The following CYFIP2 variants were observed in gnomAD, a reference collection of about 807,000 sequenced individuals.
CYFIP2 encodes the protein cytoplasmic FMR1-interacting protein 2.
CYFIP2 carries 29 observed loss-of-function variants against 158.7 expected under a neutral mutation model. The ratio of observed to expected loss-of-function variants is 0.18; its 90% confidence interval spans 0.14 to 0.25. The LOEUF is 0.25. Among genes scored for constraint, CYFIP2 ranks in the 10% least tolerant of loss-of-function variants. The probability of loss-of-function intolerance (pLI) is 1.00; values close to 1 mark genes in which losing one functional copy is unlikely to be tolerated. For missense variants in CYFIP2, 852 were observed against 1,639.5 expected (o/e 0.52, Z 8.29); for synonymous variants, 585 against 617.6 (o/e 0.95, Z 0.78).
At position 157,374,828 on chromosome 5, in the gene CYFIP2, G is replaced by T. The variant is rs1765313287; in HGVS notation, c.3040-7762G>T. On this transcript the variant is annotated intron_variant, in intron 26 of 30. Transcript: ENST00000620254. ...ATCTTTATTTCCTGTCTGTAAATTT[G>T]CTGATTGCACATTCCAGTCACTTGT... Among the ~76,000 whole-genome samples the T allele has an allele frequency of 2.0e-5, 3 of 152,288 alleles. No individual in the cohort carries two copies. In the South Asian group the frequency reaches 6.2e-4, roughly 32 times the overall value.
rs753263281 is a variant in CYFIP2, at chr5:157,296,685, G to A, written c.298G>A (p.Glu100Lys). The A allele has an allele frequency of 1.2e-6, 2 of 1,613,576 alleles. No individual in the cohort carries two copies. Among genetic ancestry groups the A allele is most frequent in the Non-Finnish European group, 1.7e-6 (2 of 1,179,632 alleles). ...SRAIPQVKCN[E>K]QPNRVEIYEK... is the part of the protein sequence containing the mutation. ...TTATCCCCCACAGGTGAAATGCAAC[G>A]AGCAGCCCAACCGAGTAGAGATCTA... The change falls in exon 5 of 31, where the codon GAG becomes AAG. Residue 100 changes from glutamate to lysine, a missense_variant. Physicochemically the swap from Glu to Lys is moderately conservative, Grantham distance 56 (BLOSUM62 1). This residue lies in a region of CYFIP2 where 123 missense variants were observed against 316.7 expected (regional missense o/e 0.39). Transcript: ENST00000620254.
rs747827790 is a variant in CYFIP2 at position 157,342,949 on chromosome 5, G to C, written c.2673+1792G>C. 6 of 1,614,056 alleles carry C rather than the reference G, an allele frequency of 3.7e-6. No homozygotes were observed. The African/African-American group carries it at 4.0e-5, about 11-fold the overall frequency. On this transcript the variant is annotated intron_variant, in intron 23 of 30. Coordinates refer to ENST00000620254, the MANE Select transcript of CYFIP2 (RefSeq NM_001037333.3). Reference sequence around the variant, plus strand: ...CATCAGGGGCATCCTGGTTGGCTTCGGGATCCAGTTCAGCTCCATCTCTGG... The same window carrying C: ...CATCAGGGGCATCCTGGTTGGCTTCCGGATCCAGTTCAGCTCCATCTCTGG...
chr5:157,386,838 C>T (rs377458264), intron 28 of CYFIP2, among the ~76,000 whole-genome samples: 2 of 151,318 alleles, frequency 1.3e-5, no homozygotes, highest in African/African-American at 4.9e-5. Context: ...GAGAATGGCT[C>T]GAACCCGGGA....
At position 157,393,042 on chromosome 5, in the gene CYFIP2, G is replaced by A. The variant is rs774951948; in HGVS notation, c.*42G>A. On this transcript the variant is annotated 3_prime_UTR_variant, in exon 31 of 31. Coordinates refer to ENST00000620254, the MANE Select transcript of CYFIP2 (RefSeq NM_001037333.3). Reference sequence around the variant, plus strand: ...ACCCTTATCTGGAGGAGGAAGAGAAGCAGGAGAGAGAAAGCCACAGCCAGC... The same window carrying A: ...ACCCTTATCTGGAGGAGGAAGAGAAACAGGAGAGAGAAAGCCACAGCCAGC... 1 of 1,602,270 alleles carries A rather than the reference G, an allele frequency of 6.2e-7. No homozygotes were observed. Among genetic ancestry groups the A allele is most frequent in the Non-Finnish European group, 8.5e-7 (1 of 1,173,890 alleles).
intron 30 of CYFIP2, 127 bp downstream of exon 30, chr5:157,390,795 T>G: frequency 6.9e-7 from 1 of 1,442,446 alleles, no homozygotes; most frequent in East Asian, 2.5e-5. Flanking sequence ...ACAAAGATAC[T>G]ATAGGCTGGG....
At chr5:157,300,317 A>C (rs761696368) in intron 5 of CYFIP2, among the ~76,000 whole-genome samples, 1 of 151,986 alleles carries the variant, frequency 6.6e-6, no homozygotes, top group Non-Finnish European at 1.5e-5. Flanking sequence ...CAGGTGGGTC[A>C]CAAGGTCACG....
At chr5:157,330,239 A>AGTGT (rs1761337897) in intron 19 of CYFIP2, among the ~76,000 whole-genome samples, 8 of 113,368 alleles carry the variant, frequency 7.1e-5, no homozygotes, top group Admixed American at 2.8e-4. Context: ...TGAGATTTAA[A>AGTGT]ATGTGTGTGT....
At chr5:157,379,519 A>T (rs2113492266) in intron 26 of CYFIP2, among the ~76,000 whole-genome samples, 1 of 152,124 alleles carries the variant, frequency 6.6e-6, no homozygotes, top group East Asian at 1.9e-4. Flanking sequence ...TCTCTACAAA[A>T]AAATTAGCCA....
At chr5:157,368,479 C>CT (rs1201179985) in intron 26 of CYFIP2, among the ~76,000 whole-genome samples, 2 of 152,176 alleles carry the variant, frequency 1.3e-5, no homozygotes, top group African/African-American at 4.8e-5. Context: ...TGTCCTGTCC[C>CT]TTTGCCCAGG....
At chr5:157,373,586 G>A (rs189081081) in intron 26 of CYFIP2, among the ~76,000 whole-genome samples, 8 of 152,266 alleles carry the variant, frequency 5.3e-5, no homozygotes, top group Non-Finnish European at 1.0e-4. Context: ...TGAGGAGTAG[G>A]ATGATCATTT....
At chr5:157,377,006 C>A in intron 26 of CYFIP2, 1 of 400,554 alleles carries the variant, frequency 2.5e-6, no homozygotes, top group Admixed American at 2.6e-5. Flanking sequence ...GTGCCCTGGG[C>A]AGGGGTCCTT....
intron 26 of CYFIP2, among the ~76,000 whole-genome samples, chr5:157,379,730 C>G (rs947505249): frequency 3.0e-4 from 43 of 145,630 alleles, no homozygotes; most frequent in Non-Finnish European, 5.5e-4. Context: ...TTGTGAATTC[C>G]ATCAAATATT....
At chr5:157,328,732 T>C (rs1761224018) in intron 19 of CYFIP2, among the ~76,000 whole-genome samples, 1 of 152,234 alleles carries the variant, frequency 6.6e-6, no homozygotes, top group South Asian at 2.1e-4. Flanking sequence ...TTTTATTTAC[T>C]TTTGAAAGTT....
chr5:157,382,183 C>G (rs1358651715), intron 26 of CYFIP2, among the ~76,000 whole-genome samples: 1 of 152,186 alleles, frequency 6.6e-6, no homozygotes, highest in Non-Finnish European at 1.5e-5. Flanking sequence ...GAAGACTGAC[C>G]TAGCCACCTG....
chr5:157,389,942 C>CA (rs1230642121), intron 29 of CYFIP2, among the ~76,000 whole-genome samples: 1 of 152,154 alleles, frequency 6.6e-6, no homozygotes, highest in Admixed American at 6.5e-5. Context: ...AAGAGACAGC[C>CA]AAAGGATGAC....
chr5:157,268,261 G>A (rs748902438), intron 1 of CYFIP2, among the ~76,000 whole-genome samples: 1 of 152,224 alleles, frequency 6.6e-6, no homozygotes, highest in African/African-American at 2.4e-5. Context: ...GCCTTGTTCA[G>A]TCCCTGCTGG....
At chr5:157,346,651 G>A (rs1762718358) in intron 23 of CYFIP2, among the ~76,000 whole-genome samples, 1 of 152,188 alleles carries the variant, frequency 6.6e-6, no homozygotes, top group South Asian at 2.1e-4. Context: ...AACTGTGAGA[G>A]AATAAATTTC....
At chr5:157,369,477 G>A (rs1396932781) in intron 26 of CYFIP2, among the ~76,000 whole-genome samples, 1 of 152,164 alleles carries the variant, frequency 6.6e-6, no homozygotes, top group African/African-American at 2.4e-5. Context: ...TAAATCAGGG[G>A]AGGGACATTT....
intron 23 of CYFIP2, chr5:157,342,192 C>T (rs1032562323): frequency 1.4e-4 from 22 of 152,534 alleles, no homozygotes; most frequent in African/African-American, 5.1e-4. Context: ...TATGTCTCTT[C>T]CCTTCTGTTT....
Sources: gnomAD v4.1 joint callset for allele counts (sites outside exome capture counted in the v4.1 genomes callset) on GRCh38, gnomAD v4.1.1 for gene constraint, gnomAD v4.1.1 regional missense constraint, MANE v1.5 for transcripts, NCBI Gene and HGNC (gene_info 2026-07-23, HGNC 2026-07-21) for gene names.